C8orf34: variants seen among roughly 807,000 people sequenced by gnomAD.
The protein encoded by C8orf34 is chromosome 8 open reading frame 34.
C8orf34 carries 65 observed loss-of-function variants against 68.3 expected under a neutral mutation model. The observed-to-expected ratio is 0.95, with a 90% CI of 0.78 to 1.17. The LOEUF (loss-of-function observed/expected upper bound fraction) is 1.17, where lower values mean the gene tolerates loss of function less well. Among genes scored for constraint, C8orf34 ranks in the 50% most tolerant of loss-of-function variants. C8orf34 has a pLI of 0.00. For synonymous variants in C8orf34, 244 were observed against 241.2 expected (o/e 1.01, Z -0.11); for missense variants, 664 against 655.4 (o/e 1.01, Z -0.14).
chr8:68,603,584 T>G (rs1817770468), intron 7 of C8orf34, among the ~76,000 whole-genome samples: 1 of 133,018 alleles, frequency 7.5e-6, no homozygotes, highest in African/African-American at 3.3e-5. Flanking sequence ...TTTGATCTGC[T>G]TACTGGTACA....
At chr8:68,332,951 C>A (rs1441060604) in intron 1 of C8orf34, among the ~76,000 whole-genome samples, 2 of 152,112 alleles carry the variant, frequency 1.3e-5, no homozygotes, top group Non-Finnish European at 2.9e-5. Context: ...AAGCCTAAAA[C>A]CTTCTGCAAC....
intron 10 of C8orf34, among the ~76,000 whole-genome samples, chr8:68,727,686 C>A (rs1821872035): frequency 6.6e-6 from 1 of 152,244 alleles, no homozygotes; most frequent in Non-Finnish European, 1.5e-5. Flanking sequence ...GACTTCTGTG[C>A]ACCCACATGC....
chr8:68,719,708 T>C (rs959525127), intron 9 of C8orf34, among the ~76,000 whole-genome samples: 2 of 151,940 alleles, frequency 1.3e-5, no homozygotes, highest in African/African-American at 4.8e-5. Context: ...TTATTTATAG[T>C]ATTTCTAACT....
In C8orf34 at chr8:68,818,789, T is replaced by C. The variant is rs963234150; in HGVS notation, c.*543T>C. 2 of 152,166 alleles carry C rather than the reference T, an allele frequency of 1.3e-5. No homozygotes were observed. The highest frequency in any genetic ancestry group is 4.8e-5 in the African/African-American group (2 of 41,434). The allele number at this position is 152,166 out of a possible 1,614,324, so 9.4% of individuals were successfully genotyped here. On this transcript the variant is annotated 3_prime_UTR_variant, in exon 14 of 14. Coordinates refer to ENST00000518698, the MANE Select transcript of C8orf34 (RefSeq NM_052958.4). ...CTCTACCACTGCTCTTTCTCATGAT[T>C]ATTTTCTCTATTCCTATTAAAATGA...
At chr8:68,498,470 C>T (rs924158515) in intron 5 of C8orf34, among the ~76,000 whole-genome samples, 4 of 152,108 alleles carry the variant, frequency 2.6e-5, no homozygotes, top group Admixed American at 6.6e-5. Context: ...AAGCCATTAT[C>T]GATAGTGATT....
At chr8:68,535,270 C>T (rs1815417473) in intron 7 of C8orf34, 1 of 979,582 alleles carries the variant, frequency 1.0e-6, no homozygotes, top group African/African-American at 1.8e-5. Flanking sequence ...GCAATAGAGA[C>T]ATCTGGTATT....
At chr8:68,477,298 G>A (rs1812661932) in intron 4 of C8orf34, among the ~76,000 whole-genome samples, 1 of 152,206 alleles carries the variant, frequency 6.6e-6, no homozygotes, top group Non-Finnish European at 1.5e-5. Flanking sequence ...TCCTAAGCAA[G>A]TTTGCATTTT....
chr8:68,726,059 C>T (rs1023966462), intron 10 of C8orf34, among the ~76,000 whole-genome samples: 2 of 152,136 alleles, frequency 1.3e-5, no homozygotes, highest in Non-Finnish European at 2.9e-5. Context: ...CAGGCGCACG[C>T]CGCCACACCC....
rs1215610281 is a variant in C8orf34, at chr8:68,464,559, C to G, written c.608-4133C>G. On this transcript the variant is annotated intron_variant, in intron 3 of 13. Coordinates refer to ENST00000518698, the MANE Select transcript of C8orf34 (RefSeq NM_052958.4). ...ACCTGACTTCAAACTATACTACAAG[C>G]CTACAGTAACCAAAACAGCATGGTA... Among the ~76,000 whole-genome samples the G allele has an allele frequency of 6.0e-3, 911 of 151,670 alleles. 3 individuals carry two copies. The highest frequency in any genetic ancestry group is 9.4e-3 in the Non-Finnish European group (641 of 67,962).
chr8:68,717,059 A>G (rs907253388), intron 9 of C8orf34, among the ~76,000 whole-genome samples: 2 of 151,878 alleles, frequency 1.3e-5, no homozygotes, highest in African/African-American at 4.8e-5. Flanking sequence ...CGTGGTGTGA[A>G]TACTCCCACC....
chr8:68,790,629 A>G (rs922444096), intron 12 of C8orf34, among the ~76,000 whole-genome samples: 2 of 110,156 alleles, frequency 1.8e-5, no homozygotes, highest in African/African-American at 1.3e-4. Context: ...ACCCTTGATT[A>G]AATAGATTTT....
intron 1 of C8orf34, among the ~76,000 whole-genome samples, chr8:68,420,068 G>T (rs1809890624): frequency 1.3e-5 from 2 of 151,464 alleles, no homozygotes; most frequent in Non-Finnish European, 2.9e-5. Flanking sequence ...AAGGATGACT[G>T]GCCTGAGATC....
At chr8:68,396,166 T>C (rs1808698390) in intron 1 of C8orf34, among the ~76,000 whole-genome samples, 3 of 152,004 alleles carry the variant, frequency 2.0e-5, no homozygotes, top group African/African-American at 2.4e-5. Context: ...CTCCAAACAA[T>C]AGAAGACATA....
At chr8:68,353,381 A>C (rs957330381) in intron 1 of C8orf34, among the ~76,000 whole-genome samples, 1 of 152,018 alleles carries the variant, frequency 6.6e-6, no homozygotes, top group South Asian at 2.1e-4. Flanking sequence ...GGGAAGTTTA[A>C]CTATTTTGGT....
At chr8:68,730,245 CG>C (rs1821942579) in intron 10 of C8orf34, among the ~76,000 whole-genome samples, 1 of 152,062 alleles carries the variant, frequency 6.6e-6, no homozygotes, top group African/African-American at 2.4e-5. Flanking sequence ...AAATTGCTGG[CG>C]GCTAATTGTA....
chr8:68,589,303 G>C (rs1817297511), intron 7 of C8orf34, among the ~76,000 whole-genome samples: 1 of 151,744 alleles, frequency 6.6e-6, no homozygotes, highest in Admixed American at 6.6e-5. Flanking sequence ...CTTCTATTTA[G>C]CCAGAAATAT....
chr8:68,617,352 G>T lies in C8orf34; in HGVS notation c.1106-23024G>T, dbSNP rs534767078. On this transcript the variant is annotated intron_variant, in intron 7 of 13. Transcript: ENST00000518698. ...TATGATGTTAGCTGTTATTTTGCTCGTTAGTTGATGCAGTTTCTTCCTAGC... is the reference window on the plus strand; with the variant it reads ...TATGATGTTAGCTGTTATTTTGCTCTTTAGTTGATGCAGTTTCTTCCTAGC... 1.8e-4 allele frequency among the ~76,000 whole-genome samples: 28 copies of T among 152,218 alleles called. No homozygotes were observed. The South Asian group carries it at 5.2e-3, about 28-fold the overall frequency.
chr8:68,742,984 T>C (rs763370580), intron 10 of C8orf34, among the ~76,000 whole-genome samples: 1 of 152,216 alleles, frequency 6.6e-6, no homozygotes, highest in Non-Finnish European at 1.5e-5. Context: ...GACATCTTCC[T>C]GTCTTCCCCT....
intron 9 of C8orf34, 122 bp from the exon 10 acceptor site, chr8:68,721,239 A>G (rs1025289470): frequency 6.3e-6 from 4 of 632,600 alleles, no homozygotes; most frequent in South Asian, 6.3e-5. Context: ...TAACTCACAA[A>G]CACTATGATT....
Sources: gnomAD v4.1 joint callset for allele counts (sites outside exome capture counted in the v4.1 genomes callset) on GRCh38, gnomAD v4.1.1 for gene constraint, MANE v1.5 for transcripts, NCBI Gene and HGNC (gene_info 2026-07-23, HGNC 2026-07-21) for gene names.